MUC5AC: variants seen among roughly 807,000 people sequenced by gnomAD.
MUC5AC encodes mucin 5AC, oligomeric mucus/gel-forming.
A neutral mutation model predicts 169.7 loss-of-function variants in MUC5AC; 158 were observed. The ratio of observed to expected loss-of-function variants is 0.93; its 90% CI spans 0.82 to 1.06. MUC5AC has a LOEUF of 1.06. Among genes scored for constraint, MUC5AC ranks in the 50% least tolerant of loss-of-function variants. The pLI, the probability that MUC5AC is intolerant of heterozygous loss-of-function variation, is 0.00. For missense variants in MUC5AC, 4,359 were observed against 3,089.9 expected (o/e 1.41, Z -9.74); for synonymous variants, 1,975 against 1,237.0 (o/e 1.60, Z -12.52).
At chr11:1,168,580 C>G (rs536628662) in intron 13 of MUC5AC, 28 bp downstream of exon 13, 2 of 1,612,516 alleles carry the variant, frequency 1.2e-6, no homozygotes, top group Middle Eastern at 1.7e-4. Context: ...TTCCCCACCC[C>G]GGGGCTGCCT....
rs1860858590 is a variant in MUC5AC at position 1,183,532 on chromosome 11, G to A, written c.5387G>A (p.Ser1796Asn). The change falls in exon 31 of 49, where the codon AGC becomes AAC. Residue 1796 changes from serine (S) to asparagine (N), a missense_variant. Physicochemically the swap from Ser to Asn is conservative, Grantham distance 46 (BLOSUM62 1). Transcript: ENST00000621226. ...EITRLQCRAK[S>N]HPEVSIEHLG... Reference sequence around the variant, plus strand: ...ACCAGGCTCCAGTGCCGAGCCAAGAGCCACCCAGAGGTGAGCATCGAACAC... The same window carrying A: ...ACCAGGCTCCAGTGCCGAGCCAAGAACCACCCAGAGGTGAGCATCGAACAC... The A allele has an allele frequency of 1.6e-6, 1 of 631,210 alleles. No individual in the cohort carries two copies. Among genetic ancestry groups the A allele is most frequent in the Admixed American group, 2.4e-5 (1 of 41,174 alleles). The allele number at this position is 631,210 out of a possible 1,614,324, so 39.1% of individuals were successfully genotyped here. A position where few individuals can be genotyped will look rare whatever the true frequency, so the allele number is the denominator to read the frequency against.
chr11:1,161,704 G>A (rs1262916706), intron 3 of MUC5AC, 118 bp downstream of exon 3: 3 of 1,314,898 alleles, frequency 2.3e-6, no homozygotes, highest in African/African-American at 3.0e-5. Context: ...CACTGGGTGG[G>A]TATTGGAGCC....
chr11:1,165,630 C>T lies in MUC5AC; in HGVS notation c.1256C>T (p.Ser419Phe), dbSNP rs1392531586. The part of the protein sequence containing the change: ...YSTDCTNCTC[S>F]GGRWSCQEVP... ...CCATCTCTTGCTCTCAGCACCTGCT[C>T]CGGAGGCCGGTGGAGCTGCCAGGAG... Residue 419 changes from serine (S) to phenylalanine (F), a missense_variant, in exon 11 of 49, where the codon TCC becomes TTC. Physicochemically the swap from Ser to Phe is radical, Grantham distance 155. Coordinates refer to ENST00000621226, the MANE Select transcript of MUC5AC (RefSeq NM_001304359.2). 1.2e-6 allele frequency: 2 copies of T among 1,612,098 alleles called. No homozygotes were observed. The highest frequency in any genetic ancestry group is 1.7e-6 in the Non-Finnish European group (2 of 1,179,740).
Position 1,190,347 on chromosome 11 carries a change from A to G in MUC5AC, c.12202A>G (p.Ser4068Gly). 1 of 657,690 alleles carries G rather than the reference A, an allele frequency of 1.5e-6. No individual in the cohort carries two copies. Among genetic ancestry groups the G allele is most frequent in the Non-Finnish European group, 2.7e-6 (1 of 364,158 alleles). The allele number at this position is 657,690 out of a possible 1,614,324, so 40.7% of individuals were successfully genotyped here. A position where few individuals can be genotyped will look rare whatever the true frequency, so the allele number is the denominator to read the frequency against. Residue 4068 changes from serine to glycine, a missense_variant, in exon 31 of 49, where the codon AGC becomes GGC. Ser to Gly is a moderately conservative substitution (Grantham distance 56). Coordinates refer to ENST00000621226, the MANE Select transcript of MUC5AC (RefSeq NM_001304359.2). Reference sequence around the variant, plus strand: ...GACCTCCACACCTGTGACAGCTCCTAGCACCCCTAGTGGGAGAGCCACCAG... The same window carrying G: ...GACCTCCACACCTGTGACAGCTCCTGGCACCCCTAGTGGGAGAGCCACCAG... ...PVTSTPVTAP[S>G]TPSGRATSPT...
In MUC5AC at chr11:1,189,316, C is replaced by T; in HGVS notation, c.11171C>T (p.Pro3724Leu). 1.7e-6 allele frequency: 1 copy of T among 576,272 alleles called. No individual in the cohort carries two copies. 35.7% of individuals were successfully genotyped at this position (576,272 alleles called of 1,614,324 possible). ...STPQTTTSSA[P>L]TSSTTSAPTT... ...CCACAGACCACCACATCCTCTGCCC[C>T]TACAAGCAGCACAACCTCGGCTCCT... Residue 3724 changes from proline to leucine, a missense_variant, in exon 31 of 49, where the codon CCT (proline) becomes CTT (leucine). Transcript: ENST00000621226.
At position 1,194,161 on chromosome 11, in the gene MUC5AC, A is replaced by G; in HGVS notation, c.14807A>G (p.Tyr4936Cys). 1.3e-6 allele frequency: 1 copy of G among 765,000 alleles called. No homozygotes were observed. Among genetic ancestry groups the G allele is most frequent in the Non-Finnish European group, 2.4e-6 (1 of 417,862 alleles). 47.4% of individuals were successfully genotyped at this position (765,000 alleles called of 1,614,324 possible). A position where few individuals can be genotyped will look rare whatever the true frequency, so the allele number is the denominator to read the frequency against. ...CACTACATCACCTTCGACGGCACCT[A>G]CTACACCTTCCTGGACAACTGCACG... The part of the protein sequence containing the change: ...DPHYITFDGT[Y>C]YTFLDNCTYV... The change falls in exon 34 of 49, where the codon TAC becomes TGC. Residue 4936 changes from tyrosine (Y) to cysteine (C), a missense_variant. Coordinates refer to ENST00000621226, the MANE Select transcript of MUC5AC (RefSeq NM_001304359.2).
chr11:1,194,238 G>A lies in MUC5AC; in HGVS notation c.14884G>A (p.Val4962Ile), dbSNP rs548333131. 134 of 764,890 alleles carry A rather than the reference G, an allele frequency of 1.8e-4. 1 individual carries two copies. The highest frequency in any genetic ancestry group is 1.2e-3 in the South Asian group (90 of 74,604). The allele number at this position is 764,890 out of a possible 1,614,324, so 47.4% of individuals were successfully genotyped here. The change falls in exon 34 of 49, where the codon GTC becomes ATC. Residue 4962 changes from valine (V) to isoleucine (I), a missense_variant. Physicochemically the swap from Val to Ile is conservative, Grantham distance 29. Transcript: ENST00000621226. ...CGTGTATGGCCACTTCCGCGTGCTC[G>A]TCGACAACTACTTCTGCGGTGCGGA... ...VPVYGHFRVL[V>I]DNYFCGAEDG...
At position 1,199,922 on chromosome 11, in the gene MUC5AC, C is replaced by G. The variant is rs767297174; in HGVS notation, c.16653C>G (p.Pro5551=). The G allele has an allele frequency of 2.2e-5, 17 of 764,350 alleles. No homozygotes were observed. The South Asian group carries it at 2.3e-4, about 10-fold the overall frequency. 47.3% of individuals were successfully genotyped at this position (764,350 alleles called of 1,614,324 possible). ...IQQQGCSSSE[P]VRLAYCRGNC... ...AGCAGGGCTGCAGCTCCTCGGAGCCCGTGCGCCTGGCTTACTGCCGGGGGA... is the reference window on the plus strand; with the variant it reads ...AGCAGGGCTGCAGCTCCTCGGAGCCGGTGCGCCTGGCTTACTGCCGGGGGA... The change falls in exon 48 of 49, where the codon CCC becomes CCG. Residue 5551 remains proline, a synonymous_variant. Coordinates refer to ENST00000621226, the MANE Select transcript of MUC5AC (RefSeq NM_001304359.2).
chr11:1,171,338 CGCAT>C (rs1403990856), intron 15 of MUC5AC, among the ~76,000 whole-genome samples: 6 of 73,192 alleles, frequency 8.2e-5, no homozygotes, highest in African/African-American at 2.1e-4. Flanking sequence ...CACTCACTCA[CGCAT>C]TCACTCACTC....
rs968577553 is a variant in MUC5AC, at chr11:1,199,585, C to T, written c.16515+95C>T. On this transcript the variant is annotated intron_variant, in intron 46 of 48. Transcript: ENST00000621226. ...ATCCCTGCAGCGCCAGCAGACACCC[C>T]CTCCTGCTTGGGGCTGTCCACTCCT... The T allele has an allele frequency of 7.2e-6, 5 of 692,030 alleles. No individual in the cohort carries two copies. The African/African-American group carries it at 8.8e-5, about 12-fold the overall frequency. The allele number at this position is 692,030 out of a possible 1,614,324, so 42.9% of individuals were successfully genotyped here.
In MUC5AC at chr11:1,183,291, C is replaced by A; in HGVS notation, c.5146C>A (p.Gln1716Lys). The A allele has an allele frequency of 2.3e-6, 1 of 436,602 alleles. No homozygotes were observed. The highest frequency in any genetic ancestry group is 5.4e-5 in the South Asian group (1 of 18,688). The allele number at this position is 436,602 out of a possible 1,614,324, so 27.0% of individuals were successfully genotyped here. A position where few individuals can be genotyped will look rare whatever the true frequency, so the allele number is the denominator to read the frequency against. The stretch of plus-strand genomic sequence containing the variant: ...ACACATGCCCTCGGCCTCCACAGAG[C>A]AACCCACGGCAACCTCCAGGGGTGG... ...TTHMPSASTE[Q>K]PTATSRGGPT... The change falls in exon 31 of 49, where the codon CAA (glutamine) becomes AAA (lysine). Residue 1716 changes from glutamine to lysine, a missense_variant. Gln to Lys is a moderately conservative substitution (Grantham distance 53). Transcript: ENST00000621226.
intron 19 of MUC5AC, 96 bp from the exon 20 acceptor site, chr11:1,176,055 G>GCACACGCACCCAC: frequency 2.5e-6 from 1 of 398,094 alleles, no homozygotes. Flanking sequence ...CCCACTCAAT[G>GCACACGCACCCAC]TGCACGCACA....
intron 46 of MUC5AC, 62 bp downstream of exon 46, chr11:1,199,552 C>T: frequency 1.4e-6 from 1 of 697,968 alleles, no homozygotes; most frequent in South Asian, 1.5e-5. Flanking sequence ...GTTTGGGGGG[C>T]TGTGATCATC....
intron 35 of MUC5AC, 27 bp downstream of exon 35, chr11:1,194,697 G>A (rs183412832): frequency 1.5e-5 from 11 of 727,784 alleles, no homozygotes; most frequent in African/African-American, 8.6e-5. Context: ...CCCGGGCATC[G>A]TCTGGCATTC....
chr11:1,162,993 G>T lies in MUC5AC; in HGVS notation c.627G>T (p.Gly209=), dbSNP rs374460857. ...CCAAATACGCCAACAAGACCTGTGGGCTCTGTGGGGACTTCAACGGGATGC... is the reference window on the plus strand; with the variant it reads ...CCAAATACGCCAACAAGACCTGTGGTCTCTGTGGGGACTTCAACGGGATGC... ...LDTKYANKTC[G]LCGDFNGMPV... is the part of the protein sequence containing the mutation. The change falls in exon 6 of 49, where the codon GGG becomes GGT. Residue 209 remains glycine (G), a synonymous_variant. Transcript: ENST00000621226. 8.5e-5 allele frequency: 137 copies of T among 1,612,602 alleles called. No individual in the cohort carries two copies. The highest frequency in any genetic ancestry group is 1.1e-4 in the Non-Finnish European group (124 of 1,179,864).
chr11:1,162,872 C>G (rs974545549), intron 5 of MUC5AC, 83 bp from the exon 6 acceptor site: 1 of 1,394,408 alleles, frequency 7.2e-7, no homozygotes. Context: ...GGCCTCGGCC[C>G]CTCCTCGGAA....
Position 1,180,455 on chromosome 11 carries a change from G to A in MUC5AC, c.3715G>A (p.Val1239Ile), listed in dbSNP as rs1310058087. 6.0e-5 allele frequency: 24 copies of A among 398,910 alleles called. No homozygotes were observed. The highest frequency in any genetic ancestry group is 2.6e-4 in the Admixed American group (6 of 22,744). The allele number at this position is 398,910 out of a possible 1,614,324, so 24.7% of individuals were successfully genotyped here. A position where few individuals can be genotyped will look rare whatever the true frequency, so the allele number is the denominator to read the frequency against. The stretch of plus-strand genomic sequence containing the variant: ...CCCGCCTCTGCCACCACGGTGCCAC[G>A]TCCATGGGAAGTCCTACCGGCCAGG... The part of the protein sequence containing the change: ...PTPPLPPRCH[V>I]HGKSYRPGAV... The change falls in exon 28 of 49, where the codon GTC becomes ATC. Residue 1239 changes from valine to isoleucine, a missense_variant. Val to Ile is a conservative substitution (Grantham distance 29). Transcript: ENST00000621226.
chr11:1,173,139 C>T (rs1860589014), intron 16 of MUC5AC, among the ~76,000 whole-genome samples: 1 of 152,080 alleles, frequency 6.6e-6, no homozygotes, highest in African/African-American at 2.4e-5. Flanking sequence ...CTCATTCACT[C>T]ATTTACCCAC....
At chr11:1,158,514 G>T (rs1430787951) in intron 1 of MUC5AC, among the ~76,000 whole-genome samples, 1 of 152,222 alleles carries the variant, frequency 6.6e-6, no homozygotes. Flanking sequence ...GGCCTCGATG[G>T]GGATCTCCTG....
Sources: allele counts gnomAD v4.1 joint callset (sites outside exome capture counted in the v4.1 genomes callset), GRCh38; gene constraint gnomAD v4.1.1; transcripts MANE v1.5; gene names NCBI Gene and HGNC (gene_info 2026-07-23, HGNC 2026-07-21).